DCAF4: variants seen among roughly 807,000 people sequenced by gnomAD.
The protein encoded by DCAF4 is DDB1- and CUL4-associated factor 4.
DCAF4 carries 37 observed loss-of-function variants against 60.9 expected under a neutral mutation model. The ratio of observed to expected loss-of-function variants is 0.61; its 90% confidence interval spans 0.47 to 0.80. DCAF4 has a LOEUF of 0.80. DCAF4 is among the 30% of genes least tolerant of loss of function. The pLI is 0.00. For synonymous variants in DCAF4, 243 were observed against 254.8 expected, an observed-to-expected ratio of 0.95 and a Z score of 0.44; for missense variants, 577 against 650.0, an observed-to-expected ratio of 0.89 and a Z score of 1.22.
downstream of DCAF4, chr14:72,960,530 G>T: frequency 1.3e-6 from 1 of 791,026 alleles, no homozygotes; most frequent in East Asian, 9.4e-5. Flanking sequence ...CAAACCCCAG[G>T]GCAGTTTGCA....
chr14:72,956,692 T>C (rs935726258), intron 13 of DCAF4, 192 bp downstream of exon 13: 1 of 533,890 alleles, frequency 1.9e-6, no homozygotes, highest in African/African-American at 1.9e-5. Flanking sequence ...TGTAAATAAA[T>C]GTCCACCAGG....
chr14:72,960,155 A>AC (rs1429849772), downstream of DCAF4, among the ~76,000 whole-genome samples: 9 of 119,688 alleles, frequency 7.5e-5, no homozygotes, highest in Admixed American at 7.5e-4. Flanking sequence ...ATAAAGAACC[A>AC]AATTTTTTTT....
intron 11 of DCAF4, among the ~76,000 whole-genome samples, chr14:72,955,110 CA>C (rs1191603255): frequency 2.0e-3 from 256 of 129,282 alleles, no homozygotes; most frequent in Middle Eastern, 3.8e-3. Context: ...GACTCTGTCT[CA>C]AAAAAAAAAA....
At chr14:72,947,539 C>T (rs1448875003) in intron 8 of DCAF4, among the ~76,000 whole-genome samples, 3 of 152,190 alleles carry the variant, frequency 2.0e-5, no homozygotes, top group Admixed American at 6.5e-5. Context: ...TGGCGTGTGA[C>T]GGGAGGCTCT....
rs773971590 is a variant in DCAF4, at chr14:72,954,381, G to T, written c.908-5G>T. The stretch of plus-strand genomic sequence containing the variant: ...ATCTTACCAGCCCATCTCTGTCTCC[G>T]CCAGGCTTGTCTCGGCGGGTCCTGT... On this transcript the variant is annotated splice_region_variant and splice_polypyrimidine_tract_variant and intron_variant, in intron 10 of 13. Transcript: ENST00000358377. 2 of 1,614,118 alleles carry T rather than the reference G, an allele frequency of 1.2e-6. No homozygotes were observed. The highest frequency in any genetic ancestry group is 2.2e-5 in the East Asian group (1 of 44,874).
At position 72,945,888 on chromosome 14, in the gene DCAF4, A is replaced by G; in HGVS notation, c.539A>G (p.Asp180Gly). 1 of 1,614,236 alleles carries G rather than the reference A, an allele frequency of 6.2e-7. No homozygotes were observed. The highest frequency in any genetic ancestry group is 1.3e-5 in the African/African-American group (1 of 75,072). The change falls in exon 7 of 14, where the codon GAT (aspartate) becomes GGT (glycine). Residue 180 changes from aspartate to glycine, a missense_variant. Coordinates refer to ENST00000358377, the MANE Select transcript of DCAF4 (RefSeq NM_015604.4). ...CTGCCCCCTTCCCTTCTCCAGGCAG[A>G]TACCAACAGTGACCGGCTCTTCACA... ...ASDRFNLILA[D>G]TNSDRLFTVN...
chr14:72,931,766 C>G (rs1047298807), intron 1 of DCAF4, among the ~76,000 whole-genome samples: 2 of 151,976 alleles, frequency 1.3e-5, no homozygotes, highest in African/African-American at 4.8e-5. Flanking sequence ...AGTGCTTTTT[C>G]TGTGTATCAA....
chr14:72,958,506 C>A (rs1345326020), intron 13 of DCAF4, 106 bp from the exon 14 acceptor site: 1 of 1,345,032 alleles, frequency 7.4e-7, no homozygotes, highest in Non-Finnish European at 1.0e-6. Context: ...TTTTGGCTCA[C>A]ATGAAATCAC....
At chr14:72,944,702 G>A (rs1330108571) in intron 6 of DCAF4, among the ~76,000 whole-genome samples, 1 of 152,220 alleles carries the variant, frequency 6.6e-6, no homozygotes, top group East Asian at 1.9e-4. Flanking sequence ...TATGGTGGGA[G>A]TATCACTTGA....
At chr14:72,942,017 C>G in intron 5 of DCAF4, 193 bp downstream of exon 5, 1 of 551,858 alleles carries the variant, frequency 1.8e-6, no homozygotes, top group Non-Finnish European at 3.2e-6. Flanking sequence ...CTCTCTAGAG[C>G]GAAGGCGGGG....
At chr14:72,926,721 G>T (rs1408714072) in intron 1 of DCAF4, 178 bp downstream of exon 1, 5 of 152,336 alleles carry the variant, frequency 3.3e-5, no homozygotes. Flanking sequence ...TGGCAGCTGG[G>T]CCGGCGCGCT....
chr14:72,947,610 G>A (rs528078071), intron 8 of DCAF4, among the ~76,000 whole-genome samples: 2 of 152,326 alleles, frequency 1.3e-5, no homozygotes, highest in African/African-American at 4.8e-5. Flanking sequence ...AGAGGAACAA[G>A]GCAGAAAGGA....
downstream of DCAF4, among the ~76,000 whole-genome samples, chr14:72,961,594 C>T (rs1594820397): frequency 6.6e-6 from 1 of 152,382 alleles, no homozygotes; most frequent in Non-Finnish European, 1.5e-5. Flanking sequence ...CCTGTCCCAG[C>T]ACAAACCATT....
At position 72,947,956 on chromosome 14, in the gene DCAF4, A is replaced by G. The variant is rs968994732; in HGVS notation, c.728+765A>G. On this transcript the variant is annotated intron_variant, in intron 8 of 13. Transcript: ENST00000358377. Reference sequence around the variant, plus strand: ...ACTCACCCAAAACCACATGTTAATGACTCTTGTCCTTGGTTCATTCTCTTA... The same window carrying G: ...ACTCACCCAAAACCACATGTTAATGGCTCTTGTCCTTGGTTCATTCTCTTA... Among the ~76,000 whole-genome samples, 4 of 151,878 alleles carry G rather than the reference A, an allele frequency of 2.6e-5. No homozygotes were observed. In the South Asian group the frequency reaches 6.2e-4, roughly 24 times the overall value.
chr14:72,947,301 C>T (rs1890860338), intron 8 of DCAF4, 110 bp downstream of exon 8: 1 of 1,231,570 alleles, frequency 8.1e-7, no homozygotes, highest in African/African-American at 1.5e-5. Context: ...GGACTAGACC[C>T]TTGTGCACTT....
chr14:72,948,467 A>G (rs1891018546), intron 8 of DCAF4, among the ~76,000 whole-genome samples: 1 of 152,184 alleles, frequency 6.6e-6, no homozygotes, highest in Non-Finnish European at 1.5e-5. Context: ...CTTTCATTTG[A>G]TGGGGTTCTG....
rs944965316 is a variant in DCAF4 at position 72,959,039 on chromosome 14, C to G, written c.*234C>G. The G allele has an allele frequency of 1.6e-5, 19 of 1,219,914 alleles. No individual in the cohort carries two copies. Among genetic ancestry groups the G allele is most frequent in the Middle Eastern group, 3.2e-4 (1 of 3,128 alleles). The allele number at this position is 1,219,914 out of a possible 1,614,324, so 75.6% of individuals were successfully genotyped here. On this transcript the variant is annotated 3_prime_UTR_variant, in exon 14 of 14. Coordinates refer to ENST00000358377, the MANE Select transcript of DCAF4 (RefSeq NM_015604.4). ...TCCTTTTCATAAAAGGTACCTCTTT[C>G]CTTTTCTTATTGAATTCTTAGAACT...
intron 11 of DCAF4, among the ~76,000 whole-genome samples, chr14:72,955,087 G>A (rs1002695093): frequency 2.0e-5 from 3 of 150,788 alleles, no homozygotes; most frequent in Admixed American, 6.6e-5. Context: ...CTCCAGCCTG[G>A]GCAACAGAGC....
chr14:72,928,300 T>C (rs939649098), intron 1 of DCAF4, among the ~76,000 whole-genome samples: 1 of 148,522 alleles, frequency 6.7e-6, no homozygotes, highest in Non-Finnish European at 1.5e-5. Context: ...TTTAAGGGAT[T>C]CTCCTGCTTC....
Sources: allele counts gnomAD v4.1 joint callset (sites outside exome capture counted in the v4.1 genomes callset), GRCh38; gene constraint gnomAD v4.1.1; transcripts MANE v1.5; gene names NCBI Gene and HGNC (gene_info 2026-07-23, HGNC 2026-07-21).